Variants in CORO2A observed in about 807,000 individuals in gnomAD.
CORO2A encodes coronin 2A.
A neutral mutation model predicts 62.4 loss-of-function variants in CORO2A; 47 were observed. That is an observed-to-expected ratio of 0.75 (90% CI 0.60 to 0.96). The LOEUF (loss-of-function observed/expected upper bound fraction) is 0.96, where lower values mean the gene tolerates loss of function less well. Ranked by LOEUF, CORO2A falls within the 40% of genes least tolerant of loss-of-function variation. The pLI, the probability that CORO2A is intolerant of heterozygous loss-of-function variation, is 0.00. For synonymous variants in CORO2A, 273 were observed against 268.9 expected (o/e 1.02, Z -0.15); for missense variants, 610 against 684.1 (o/e 0.89, Z 1.21).
intron 5 of CORO2A, 81 bp from the exon 6 acceptor site, chr9:98,132,382 T>G (rs1827421358): frequency 8.8e-7 from 1 of 1,137,396 alleles, no homozygotes; most frequent in South Asian, 1.3e-5. Flanking sequence ...CCTGCTTTGC[T>G]TATGCCACCG....
At chr9:98,149,573 G>C (rs2118854977) in intron 2 of CORO2A, among the ~76,000 whole-genome samples, 1 of 152,344 alleles carries the variant, frequency 6.6e-6, no homozygotes, top group South Asian at 2.1e-4. Context: ...CAGTGAAGGG[G>C]GGATCAGGTG....
chr9:98,137,979 A>G (rs964077443), intron 2 of CORO2A, among the ~76,000 whole-genome samples: 3 of 152,212 alleles, frequency 2.0e-5, no homozygotes, highest in South Asian at 2.1e-4. Context: ...CAGATGTTCA[A>G]TAAAAGGGCA....
intron 1 of CORO2A, among the ~76,000 whole-genome samples, chr9:98,180,647 A>G (rs899609759): frequency 6.6e-6 from 1 of 151,864 alleles, no homozygotes; most frequent in Non-Finnish European, 1.5e-5. Flanking sequence ...TTAGGTGAAA[A>G]TGCTCCACCT....
intron 11 of CORO2A, among the ~76,000 whole-genome samples, chr9:98,125,593 T>A (rs1325755658): frequency 6.6e-6 from 1 of 151,976 alleles, no homozygotes; most frequent in African/African-American, 2.4e-5. Context: ...TGCCACACAG[T>A]AGGCACTAAA....
intron 2 of CORO2A, among the ~76,000 whole-genome samples, chr9:98,147,986 C>CCTGT (rs1399351260): frequency 6.6e-6 from 1 of 151,884 alleles, no homozygotes; most frequent in East Asian, 1.9e-4. Context: ...GTGGCTCATG[C>CCTGT]CTGTAATCCT....
At chr9:98,188,288 C>A (rs1035221888) in intron 1 of CORO2A, among the ~76,000 whole-genome samples, 11 of 152,206 alleles carry the variant, frequency 7.2e-5, no homozygotes, top group Admixed American at 3.3e-4. Context: ...CACCCTAACC[C>A]CTCCTATGTT....
At chr9:98,125,278 T>C (rs1359344621) in intron 11 of CORO2A, among the ~76,000 whole-genome samples, 1 of 152,194 alleles carries the variant, frequency 6.6e-6, no homozygotes, top group African/African-American at 2.4e-5. Flanking sequence ...GTCAGAAAAC[T>C]GCCCTCTGTG....
chr9:98,134,667 C>CAGAT (rs1827459098), intron 4 of CORO2A, 139 bp downstream of exon 4: 2 of 969,096 alleles, frequency 2.1e-6, no homozygotes, highest in Non-Finnish European at 3.0e-6. Flanking sequence ...TTCCCTAGGG[C>CAGAT]ATCTGGAGGG....
rs1587987173 is a variant in CORO2A, at chr9:98,122,522, C to CT, written c.*2251dup. 1 of 152,178 alleles carries CT rather than the reference C, an allele frequency of 6.6e-6. No homozygotes were observed. The highest frequency in any genetic ancestry group is 1.9e-4 in the East Asian group (1 of 5,198). The allele number at this position is 152,178 out of a possible 1,614,324, so 9.4% of individuals were successfully genotyped here. A position where few individuals can be genotyped will look rare whatever the true frequency, so the allele number is the denominator to read the frequency against. ...AATTTCACTTCTAATCATTCCCAGT[C>CT]TCTTGGTGGACTATTGTATTGACCA... On this transcript the variant is annotated 3_prime_UTR_variant, in exon 12 of 12. Coordinates refer to ENST00000375077, the MANE Select transcript of CORO2A (RefSeq NM_052820.4).
In CORO2A at chr9:98,152,525, C is replaced by T. The variant is rs548679124; in HGVS notation, c.201+4935G>A. Among the ~76,000 whole-genome samples the T allele has an allele frequency of 5.9e-5, 9 of 152,218 alleles. No individual in the cohort carries two copies. In the South Asian group the frequency reaches 1.9e-3, roughly 32 times the overall value. The stretch of plus-strand genomic sequence containing the variant: ...TCTCGAACTCCTGGGCTCAAGAGAT[C>T]CACCCATCTTGGCCTCTCAAAGTGC... On this transcript the variant is annotated intron_variant, in intron 2 of 11. Coordinates refer to ENST00000375077, the MANE Select transcript of CORO2A (RefSeq NM_052820.4).
chr9:98,141,288 G>T (rs1305655955), intron 2 of CORO2A, among the ~76,000 whole-genome samples: 1 of 151,910 alleles, frequency 6.6e-6, no homozygotes, highest in Non-Finnish European at 1.5e-5. Flanking sequence ...CCTGGAGCTA[G>T]GGTCTTAGAA....
At chr9:98,163,761 AGAGAGAG>A (rs1827922459) in intron 1 of CORO2A, among the ~76,000 whole-genome samples, 2 of 149,654 alleles carry the variant, frequency 1.3e-5, no homozygotes, top group African/African-American at 4.9e-5. Context: ...AGAGAGAGAG[AGAGAGAG>A]AGAGAGAAAG....
intron 1 of CORO2A, among the ~76,000 whole-genome samples, chr9:98,187,842 A>G (rs946906930): frequency 6.6e-6 from 1 of 152,176 alleles, no homozygotes; most frequent in Non-Finnish European, 1.5e-5. Context: ...CCATGTTCCT[A>G]CCCAATTCAA....
Position 98,146,418 on chromosome 9 carries a change from C to A in CORO2A, c.202-8730G>T, listed in dbSNP as rs114445793. On this transcript the variant is annotated intron_variant, in intron 2 of 11. Coordinates refer to ENST00000375077, the MANE Select transcript of CORO2A (RefSeq NM_052820.4). ...GTCACAACAGGCAAGAGGGAGGGAC[C>A]CTGCCTGCAGTGTCACTCCCTTTGG... is the stretch of plus-strand genomic sequence containing the variant. Among the ~76,000 whole-genome samples, 1,244 of 152,296 alleles carry A rather than the reference C, an allele frequency of 8.2e-3. 22 individuals carry two copies. The highest frequency in any genetic ancestry group is 0.029 in the African/African-American group (1,186 of 41,556).
chr9:98,137,523 C>A, intron 3 of CORO2A, 49 bp downstream of exon 3: 1 of 1,493,492 alleles, frequency 6.7e-7, no homozygotes, highest in South Asian at 1.1e-5. Flanking sequence ...CCCAACCACC[C>A]CAATCCCACT....
chr9:98,121,621 G>A lies in CORO2A; in HGVS notation c.*3153C>T, dbSNP rs187833201. ...AGGGAGCTGGCCAAGGAATGGCATTGTGCAGAGGCATACCGGGAAGCTCTC... is the reference window on the plus strand; with the variant it reads ...AGGGAGCTGGCCAAGGAATGGCATTATGCAGAGGCATACCGGGAAGCTCTC... On this transcript the variant is annotated 3_prime_UTR_variant, in exon 12 of 12. Transcript: ENST00000375077. The A allele has an allele frequency of 6.6e-6, 1 of 152,326 alleles. No homozygotes were observed. The highest frequency in any genetic ancestry group is 1.9e-4 in the East Asian group (1 of 5,186). 9.4% of individuals were successfully genotyped at this position (152,326 alleles called of 1,614,324 possible). A position where few individuals can be genotyped will look rare whatever the true frequency, so the allele number is the denominator to read the frequency against.
intron 1 of CORO2A, among the ~76,000 whole-genome samples, chr9:98,181,882 G>A (rs1405947891): frequency 2.6e-5 from 4 of 152,122 alleles, no homozygotes; most frequent in Non-Finnish European, 5.9e-5. Flanking sequence ...ACCATACAAG[G>A]AGAGTCACTT....
At chr9:98,180,541 A>ATCTC (rs1174788637) in intron 1 of CORO2A, among the ~76,000 whole-genome samples, 4 of 152,122 alleles carry the variant, frequency 2.6e-5, no homozygotes, top group African/African-American at 9.7e-5. Flanking sequence ...TCTGAGCCTC[A>ATCTC]GTTTCATCTC....
rs1827597461 is a variant in CORO2A, at chr9:98,143,187, A to G, written c.202-5499T>C. The stretch of plus-strand genomic sequence containing the variant: ...GAGAGGCATCACCTCCAAGTCTCCA[A>G]GGGGCTGCCCTGGGGCAGAGGGGGA... On this transcript the variant is annotated intron_variant, in intron 2 of 11. Transcript: ENST00000375077. Among the ~76,000 whole-genome samples the G allele has an allele frequency of 2.6e-5, 4 of 152,134 alleles. No individual in the cohort carries two copies. The South Asian group carries it at 8.3e-4, about 32-fold the overall frequency.
Sources: allele counts gnomAD v4.1 joint callset (sites outside exome capture counted in the v4.1 genomes callset), GRCh38; gene constraint gnomAD v4.1.1; transcripts MANE v1.5; gene names NCBI Gene and HGNC (gene_info 2026-07-23, HGNC 2026-07-21).